The following SMPD3 variants were observed in gnomAD, a reference collection of about 807,000 sequenced individuals.
SMPD3 encodes the protein nSMase-2.
In SMPD3, 21 loss-of-function variants were observed where a neutral mutation model predicts 55.7. That is an observed-to-expected ratio of 0.38 (90% CI 0.27 to 0.54). The LOEUF (loss-of-function observed/expected upper bound fraction) is 0.54. Ranked by LOEUF, SMPD3 falls within the 20% of genes least tolerant of loss-of-function variation. The probability of loss-of-function intolerance (pLI) is 0.80; values close to 1 mark genes in which losing one functional copy is unlikely to be tolerated. For missense variants in SMPD3, 842 were observed against 899.6 expected, an observed-to-expected ratio of 0.94 and a Z score of 0.82; for synonymous variants, 457 against 404.3, an observed-to-expected ratio of 1.13 and a Z score of -1.56.
chr16:68,379,671 G>A (rs1430560765), intron 2 of SMPD3, among the ~76,000 whole-genome samples: 2 of 152,172 alleles, frequency 1.3e-5, no homozygotes, highest in Non-Finnish European at 2.9e-5. Flanking sequence ...GGCTGCTTGT[G>A]CGAGCCCAAG....
chr16:68,397,475 C>T (rs562239711), intron 1 of SMPD3, among the ~76,000 whole-genome samples: 3 of 152,188 alleles, frequency 2.0e-5, no homozygotes, highest in Non-Finnish European at 4.4e-5. Flanking sequence ...AGCCCATTGT[C>T]TCTCCCTGGT....
intron 1 of SMPD3, among the ~76,000 whole-genome samples, chr16:68,388,455 G>A (rs1026570949): frequency 4.6e-5 from 7 of 152,162 alleles, no homozygotes; most frequent in Non-Finnish European, 1.0e-4. Context: ...TCTGGCATTA[G>A]ACATAAAGGA....
At chr16:68,363,982 G>A in intron 5 of SMPD3, 116 bp from the exon 6 acceptor site, 1 of 932,388 alleles carries the variant, frequency 1.1e-6, no homozygotes, top group African/African-American at 1.6e-5. Context: ...CATCCCTTAG[G>A]CCACTGCCCC....
chr16:68,387,541 GC>G (rs1266092525), intron 1 of SMPD3, among the ~76,000 whole-genome samples: 3 of 152,184 alleles, frequency 2.0e-5, no homozygotes, highest in Non-Finnish European at 2.9e-5. Context: ...AGCTCTCTGA[GC>G]CCGTTGGCCC....
intron 2 of SMPD3, among the ~76,000 whole-genome samples, chr16:68,380,095 CATCT>C (rs1411677251): frequency 8.5e-5 from 13 of 152,352 alleles, no homozygotes; most frequent in African/African-American, 3.1e-4. Flanking sequence ...ACTCCAAAGT[CATCT>C]ATTAGTGACC....
At chr16:68,425,228 T>C in intron 1 of SMPD3, among the ~76,000 whole-genome samples, 1 of 152,206 alleles carries the variant, frequency 6.6e-6, no homozygotes, top group East Asian at 1.9e-4. Flanking sequence ...TTGTCAATTC[T>C]CTGTATATGG....
At position 68,424,835 on chromosome 16, in the gene SMPD3, T is replaced by C. The variant is rs1597662082; in HGVS notation, c.-269+23518A>G. Among the ~76,000 whole-genome samples the C allele has an allele frequency of 2.6e-5, 4 of 152,278 alleles. No individual in the cohort carries two copies. In the South Asian group the frequency reaches 8.3e-4, roughly 32 times the overall value. Reference sequence around the variant, plus strand: ...AAGTGATCCTCCCACCTTAGCTTCCTGAGTAGCTGGGATTACAGGTGCACA... The same window carrying C: ...AAGTGATCCTCCCACCTTAGCTTCCCGAGTAGCTGGGATTACAGGTGCACA... On this transcript the variant is annotated intron_variant, in intron 1 of 8. Coordinates refer to ENST00000219334, the MANE Select transcript of SMPD3 (RefSeq NM_018667.4).
rs766503967 is a variant in SMPD3 at position 68,371,960 on chromosome 16, C to T, written c.222G>A (p.Ser74=). Residue 74 remains serine (S), a synonymous_variant, in exon 3 of 9, where the codon TCG becomes TCA. Transcript: ENST00000219334. ...TPIYLALLVA[S]LPFAFLGFLF... Reference sequence around the variant, plus strand: ...GAAAGCCGAGAAACGCAAAGGGCAGCGAGGCCACCAGGAGGGCCAGGTAGA... The same window carrying T: ...GAAAGCCGAGAAACGCAAAGGGCAGTGAGGCCACCAGGAGGGCCAGGTAGA... 47 of 1,612,206 alleles carry T rather than the reference C, an allele frequency of 2.9e-5. No individual in the cohort carries two copies. The highest frequency in any genetic ancestry group is 3.8e-5 in the Non-Finnish European group (45 of 1,179,616).
intron 1 of SMPD3, among the ~76,000 whole-genome samples, chr16:68,426,458 T>A (rs1169609444): frequency 6.6e-6 from 1 of 152,204 alleles, no homozygotes; most frequent in Admixed American, 6.5e-5. Context: ...CACAGTGGCC[T>A]GGAGCTGACT....
At chr16:68,424,309 C>T (rs2090418664) in intron 1 of SMPD3, among the ~76,000 whole-genome samples, 1 of 152,002 alleles carries the variant, frequency 6.6e-6, no homozygotes, top group Non-Finnish European at 1.5e-5. Context: ...ATTAAGTCTG[C>T]CTTCTGCCTT....
chr16:68,373,074 G>T (rs1044965350), intron 2 of SMPD3, among the ~76,000 whole-genome samples: 2 of 152,322 alleles, frequency 1.3e-5, no homozygotes, highest in East Asian at 1.9e-4. Context: ...GGATCCAAGC[G>T]CAGCCTGCGT....
intron 2 of SMPD3, among the ~76,000 whole-genome samples, chr16:68,378,513 A>G (rs889595266): frequency 1.3e-5 from 2 of 152,086 alleles, no homozygotes; most frequent in African/African-American, 4.8e-5. Flanking sequence ...CTGTTCATCC[A>G]TCTAGATCCA....
intron 7 of SMPD3, among the ~76,000 whole-genome samples, chr16:68,362,260 C>T (rs1308714850): frequency 6.6e-6 from 1 of 152,220 alleles, no homozygotes; most frequent in African/African-American, 2.4e-5. Flanking sequence ...CTCCAAGCCT[C>T]TGTTTCCTCC....
At position 68,371,156 on chromosome 16, in the gene SMPD3, G is replaced by A. The variant is rs774506167; in HGVS notation, c.1026C>T (p.Asp342=). The change falls in exon 3 of 9, where the codon GAC becomes GAT. Residue 342 remains aspartate, a synonymous_variant. Transcript: ENST00000219334. ...CGGAGACCTCATGGTCGAAGGCCTC[G>A]TCGGGGTGCCGCCTCCTGCGTGCAG... ...KAAARRRRHP[D]EAFDHEVSAF... The A allele has an allele frequency of 1.5e-5, 25 of 1,613,448 alleles. No homozygotes were observed. Among genetic ancestry groups the A allele is most frequent in the South Asian group, 3.3e-5 (3 of 91,092 alleles).
chr16:68,372,926 G>A (rs2089710865), intron 2 of SMPD3, among the ~76,000 whole-genome samples: 1 of 152,242 alleles, frequency 6.6e-6, no homozygotes, highest in South Asian at 2.1e-4. Context: ...GCAGAGGGCA[G>A]TGTGGCCAGC....
At chr16:68,442,842 G>T (rs1218931390) in intron 1 of SMPD3, among the ~76,000 whole-genome samples, 1 of 152,220 alleles carries the variant, frequency 6.6e-6, no homozygotes, top group African/African-American at 2.4e-5. Flanking sequence ...AGCAGACCCA[G>T]ATGGGGTGCC....
At position 68,380,034 on chromosome 16, in the gene SMPD3, A is replaced by G. The variant is rs1442632203; in HGVS notation, c.-207+6564T>C. Among the ~76,000 whole-genome samples the G allele has an allele frequency of 3.9e-5, 6 of 152,210 alleles. No homozygotes were observed. In the East Asian group the frequency reaches 1.2e-3, roughly 29 times the overall value. On this transcript the variant is annotated intron_variant, in intron 2 of 8. Coordinates refer to ENST00000219334, the MANE Select transcript of SMPD3 (RefSeq NM_018667.4). Reference sequence around the variant, plus strand: ...GCCCTGGAGGCATGGGCCCCATCCTAGGGGGACAGCTGAGTTTGAAGACCT... The same window carrying G: ...GCCCTGGAGGCATGGGCCCCATCCTGGGGGGACAGCTGAGTTTGAAGACCT...
chr16:68,398,579 A>G (rs1301228380), intron 1 of SMPD3, among the ~76,000 whole-genome samples: 1 of 152,202 alleles, frequency 6.6e-6, no homozygotes, highest in Non-Finnish European at 1.5e-5. Flanking sequence ...CCAGAAATAA[A>G]TGCATCAGAC....
chr16:68,366,865 G>A (rs1423934914), intron 3 of SMPD3, among the ~76,000 whole-genome samples: 7 of 152,094 alleles, frequency 4.6e-5, no homozygotes, highest in Admixed American at 1.3e-4. Context: ...AAAATTAGCC[G>A]GGCGTGGTGG....
Sources: allele counts gnomAD v4.1 joint callset (sites outside exome capture counted in the v4.1 genomes callset), GRCh38; gene constraint gnomAD v4.1.1; transcripts MANE v1.5; gene names NCBI Gene and HGNC (gene_info 2026-07-23, HGNC 2026-07-21).